Variants in EPHX1 observed in about 807,000 individuals in gnomAD.
EPHX1 encodes the protein epoxide hydratase.
Under a neutral mutation model 43.2 loss-of-function variants are expected in EPHX1, and 40 were observed. The observed-to-expected ratio is 0.93, with a 90% CI of 0.72 to 1.21. EPHX1 has a LOEUF of 1.21. EPHX1 is among the 50% of genes most tolerant of loss of function. The pLI is 0.00. For synonymous variants in EPHX1, 221 were observed against 226.7 expected, an observed-to-expected ratio of 0.98 and a Z score of 0.22; for missense variants, 550 against 570.4, an observed-to-expected ratio of 0.96 and a Z score of 0.36.
Position 225,839,982 on chromosome 1 carries a change from C to G in EPHX1, c.876C>G (p.Ser292Arg). ...LYPVKEKVFYSLMRESGYMHI... is the reference protein window; with the variant it reads ...LYPVKEKVFYRLMRESGYMHI... ...CCGTCAAGGAGAAGGTATTCTACAG[C>G]CTGATGAGGGAGAGCGGCTACATGC... is the stretch of plus-strand genomic sequence containing the variant. The change falls in exon 6 of 9, where the codon AGC becomes AGG. Residue 292 changes from serine (S) to arginine (R), a missense_variant. Physicochemically the swap from Ser to Arg is moderately radical, Grantham distance 110. Transcript: ENST00000272167. 3 of 1,614,206 alleles carry G rather than the reference C, an allele frequency of 1.9e-6. No homozygotes were observed. The highest frequency in any genetic ancestry group is 2.5e-6 in the Non-Finnish European group (3 of 1,180,042).
intron 3 of EPHX1, among the ~76,000 whole-genome samples, chr1:225,834,233 C>T (rs1292465745): frequency 3.3e-5 from 5 of 151,192 alleles, no homozygotes; most frequent in African/African-American, 1.2e-4. Context: ...GGTGAAACCC[C>T]GTCTCTACTA....
At chr1:225,818,643 T>G (rs984626645) in intron 1 of EPHX1, among the ~76,000 whole-genome samples, 1 of 152,108 alleles carries the variant, frequency 6.6e-6, no homozygotes, top group African/African-American at 2.4e-5. Context: ...AGCTTTCAAG[T>G]AAACTGTTTC....
chr1:225,821,246 CCTTTT>C (rs1376085597), intron 1 of EPHX1, among the ~76,000 whole-genome samples: 2 of 151,864 alleles, frequency 1.3e-5, no homozygotes, highest in Non-Finnish European at 2.9e-5. Context: ...AACTGATCTA[CCTTTT>C]CTTTTTTTTT....
intron 1 of EPHX1, among the ~76,000 whole-genome samples, chr1:225,824,349 G>A (rs1001645716): frequency 6.6e-6 from 1 of 152,224 alleles, no homozygotes; most frequent in African/African-American, 2.4e-5. Context: ...AACACACCCA[G>A]TGACAGACCA....
At chr1:225,827,208 G>T (rs1667290612) in intron 1 of EPHX1, among the ~76,000 whole-genome samples, 1 of 152,170 alleles carries the variant, frequency 6.6e-6, no homozygotes, top group Admixed American at 6.5e-5. Context: ...CAAGTGGTGG[G>T]GTTCCCAGCA....
intron 1 of EPHX1, among the ~76,000 whole-genome samples, chr1:225,821,636 C>G (rs1416116243): frequency 7.4e-6 from 1 of 134,944 alleles, no homozygotes; most frequent in Admixed American, 8.1e-5. Context: ...TCATAGCTCA[C>G]TGCAGCCTCA....
intron 1 of EPHX1, among the ~76,000 whole-genome samples, chr1:225,812,820 G>A (rs1340716081): frequency 3.3e-5 from 5 of 152,242 alleles, no homozygotes; most frequent in African/African-American, 1.2e-4. Flanking sequence ...CTCGGGGACA[G>A]AGTGGGCACA....
At chr1:225,836,414 C>T (rs977630786) in intron 3 of EPHX1, among the ~76,000 whole-genome samples, 7 of 151,900 alleles carry the variant, frequency 4.6e-5, no homozygotes, top group African/African-American at 9.7e-5. Context: ...GGCAACATAG[C>T]GAGACCCCTT....
chr1:225,824,815 G>T (rs554403598), intron 1 of EPHX1, among the ~76,000 whole-genome samples: 1 of 152,246 alleles, frequency 6.6e-6, no homozygotes, highest in East Asian at 1.9e-4. Flanking sequence ...GCGGCAGCGG[G>T]GTTGGAAACC....
chr1:225,836,130 A>G (rs576466271), intron 3 of EPHX1, among the ~76,000 whole-genome samples: 1 of 152,334 alleles, frequency 6.6e-6, no homozygotes, highest in East Asian at 1.9e-4. Flanking sequence ...GTCTTTTTAA[A>G]AAGTTTGAAC....
intron 3 of EPHX1, among the ~76,000 whole-genome samples, chr1:225,837,026 A>G (rs1265265984): frequency 6.6e-6 from 1 of 152,242 alleles, no homozygotes; most frequent in East Asian, 1.9e-4. Context: ...TAATAAATGT[A>G]CCATGCTAAC....
Position 225,839,260 on chromosome 1 carries a change from G to A in EPHX1, c.636G>A (p.Met212Ile), listed in dbSNP as rs1045498355. 2 of 1,614,022 alleles carry A rather than the reference G, an allele frequency of 1.2e-6. No homozygotes were observed. Among genetic ancestry groups the A allele is most frequent in the African/African-American group, 2.7e-5 (2 of 74,922 alleles). ...CCGCCAGGATCTTTTACAAGCTGAT[G>A]CTGCGGCTGGGCTTCCAGGAATTCT... ...VATARIFYKLMLRLGFQEFYI... is the reference protein window; with the variant it reads ...VATARIFYKLILRLGFQEFYI... The change falls in exon 5 of 9, where the codon ATG (methionine) becomes ATA (isoleucine). Residue 212 changes from methionine (M) to isoleucine (I), a missense_variant. Physicochemically the swap from Met to Ile is conservative, Grantham distance 10. Coordinates refer to ENST00000272167, the MANE Select transcript of EPHX1 (RefSeq NM_001136018.4).
At chr1:225,830,026 C>G (rs1250704529) in intron 2 of EPHX1, among the ~76,000 whole-genome samples, 1 of 152,110 alleles carries the variant, frequency 6.6e-6, no homozygotes, top group Non-Finnish European at 1.5e-5. Context: ...TGCAGTGAGC[C>G]AAGATCACAC....
At chr1:225,823,222 G>A (rs1254864427) in intron 1 of EPHX1, among the ~76,000 whole-genome samples, 1 of 151,670 alleles carries the variant, frequency 6.6e-6, no homozygotes, top group Non-Finnish European at 1.5e-5. Flanking sequence ...TTTAAGATGA[G>A]GGTCTTGCTA....
At chr1:225,813,517 T>G (rs1009843903) in intron 1 of EPHX1, among the ~76,000 whole-genome samples, 5 of 152,182 alleles carry the variant, frequency 3.3e-5, no homozygotes, top group African/African-American at 1.2e-4. Flanking sequence ...AAGAGCTTCC[T>G]CTCAACAAGG....
chr1:225,820,568 T>C (rs1157590494), intron 1 of EPHX1, among the ~76,000 whole-genome samples: 1 of 152,188 alleles, frequency 6.6e-6, no homozygotes, highest in Non-Finnish European at 1.5e-5. Context: ...AATCATCAAC[T>C]CTTATGCGAA....
chr1:225,834,060 T>A (rs184854938), intron 3 of EPHX1, among the ~76,000 whole-genome samples: 15 of 131,082 alleles, frequency 1.1e-4, no homozygotes, highest in Middle Eastern at 4.9e-3. Context: ...ATTGCGCCAC[T>A]GCACTCCAGC....
intron 3 of EPHX1, among the ~76,000 whole-genome samples, chr1:225,832,884 A>G (rs1252370966): frequency 3.3e-5 from 5 of 152,124 alleles, no homozygotes; most frequent in Admixed American, 6.5e-5. Flanking sequence ...TCTTTTGTCC[A>G]TTTTTTGGGT....
intron 1 of EPHX1, among the ~76,000 whole-genome samples, chr1:225,820,237 T>C (rs1468082545): frequency 6.6e-6 from 1 of 152,164 alleles, no homozygotes; most frequent in Non-Finnish European, 1.5e-5. Context: ...TAGCTGGGAT[T>C]ACAGGCATGC....
Sources: allele counts gnomAD v4.1 joint callset (sites outside exome capture counted in the v4.1 genomes callset), GRCh38; gene constraint gnomAD v4.1.1; transcripts MANE v1.5; gene names NCBI Gene and HGNC (gene_info 2026-07-23, HGNC 2026-07-21).